The following PLB1 variants were observed in gnomAD, a reference collection of about 807,000 sequenced individuals.
PLB1 encodes phospholipase B1, also known as phospholipase B1, membrane-associated.
PLB1 carries 242 observed loss-of-function variants against 227.4 expected under a neutral mutation model. The observed-to-expected ratio is 1.06, with a 90% CI of 0.96 to 1.18. PLB1 has a LOEUF of 1.18. PLB1 is among the 50% of genes most tolerant of loss of function. The pLI, the probability that PLB1 is intolerant of heterozygous loss-of-function variation, is 0.00. For synonymous variants in PLB1, 757 were observed against 682.2 expected, an observed-to-expected ratio of 1.11 and a Z score of -1.71; for missense variants, 1,858 against 1,816.3, an observed-to-expected ratio of 1.02 and a Z score of -0.42.
intron 35 of PLB1, 116 bp from the exon 36 acceptor site, chr2:28,600,693 C>A: frequency 1.1e-6 from 1 of 910,182 alleles, no homozygotes; most frequent in South Asian, 1.5e-5. Flanking sequence ...GCCTCGGGAT[C>A]TCTGCCAGCT....
At chr2:28,579,404 G>T (rs1199689722) in intron 22 of PLB1, among the ~76,000 whole-genome samples, 1 of 152,186 alleles carries the variant, frequency 6.6e-6, no homozygotes. Context: ...GTGCTTTTGT[G>T]TGTGGACAGA....
chr2:28,625,514 T>C (rs1019581909), intron 50 of PLB1, among the ~76,000 whole-genome samples: 2 of 152,318 alleles, frequency 1.3e-5, no homozygotes, highest in Non-Finnish European at 2.9e-5. Flanking sequence ...CTAGCACTTT[T>C]TTTTTTAACC....
intron 49 of PLB1, 53 bp downstream of exon 49, chr2:28,621,031 G>A: frequency 6.7e-7 from 1 of 1,482,458 alleles, no homozygotes; most frequent in African/African-American, 1.4e-5. Context: ...GAGACATCAG[G>A]GTGGGAAACC....
rs141896923 is a variant in PLB1 at position 28,611,633 on chromosome 2, C to T, written c.3130-2398C>T. On this transcript the variant is annotated intron_variant, in intron 43 of 57. Coordinates refer to ENST00000327757, the MANE Select transcript of PLB1 (RefSeq NM_153021.5). ...CCTGGCACCTAGAAATGCTCTCTAA[C>T]GCTTGAGCTGCTCAACCAGCATGGG... Among the ~76,000 whole-genome samples, 1,118 of 152,308 alleles carry T rather than the reference C, an allele frequency of 7.3e-3. 16 individuals carry two copies. Among genetic ancestry groups the T allele is most frequent in the African/African-American group, 0.025 (1,026 of 41,548 alleles).
intron 49 of PLB1, among the ~76,000 whole-genome samples, chr2:28,622,464 A>G (rs1239628878): frequency 1.3e-5 from 2 of 152,268 alleles, no homozygotes; most frequent in Non-Finnish European, 2.9e-5. Flanking sequence ...AGTACAGTAC[A>G]AATGTACCAA....
In PLB1 at chr2:28,516,790, A is replaced by G. The variant is rs189261641; in HGVS notation, c.56-18A>G. 3 of 1,608,500 alleles carry G rather than the reference A, an allele frequency of 1.9e-6. No individual in the cohort carries two copies. The highest frequency in any genetic ancestry group is 2.2e-5 in the East Asian group (1 of 44,846). On this transcript the variant is annotated intron_variant, in intron 1 of 57. Transcript: ENST00000327757. ...TAATTCCAGCTAAATAACTTGAACT[A>G]TTTCTGCTTTCTTTCAGGGACCCCT...
In PLB1 at chr2:28,581,541, A is replaced by T. The variant is rs184857384; in HGVS notation, c.1567-527A>T. ...AATAAATAAATAAATAAATAAAATT[A>T]AAAAAAGAGGCATAGGCATTTCCCT... On this transcript the variant is annotated intron_variant, in intron 23 of 57. Transcript: ENST00000327757. 5.3e-3 allele frequency among the ~76,000 whole-genome samples: 714 copies of T among 134,542 alleles called. 11 individuals carry two copies. The highest frequency in any genetic ancestry group is 0.02 in the African/African-American group (654 of 33,094). The allele number at this position is 134,542 out of a possible 152,430, so 88.3% of individuals were successfully genotyped here. A position where few individuals can be genotyped will look rare whatever the true frequency, so the allele number is the denominator to read the frequency against.
At chr2:28,510,258 G>A (rs1309759527) in intron 1 of PLB1, among the ~76,000 whole-genome samples, 1 of 152,184 alleles carries the variant, frequency 6.6e-6, no homozygotes, top group East Asian at 1.9e-4. Context: ...CCTTATAGGT[G>A]AGGAAAGTAA....
chr2:28,637,520 T>C (rs947415934), intron 56 of PLB1, among the ~76,000 whole-genome samples: 2 of 152,030 alleles, frequency 1.3e-5, no homozygotes, highest in African/African-American at 4.8e-5. Flanking sequence ...CCTGACCCAG[T>C]CACTCCCCTG....
chr2:28,598,611 C>G, intron 34 of PLB1, 41 bp from the exon 35 acceptor site: 1 of 1,514,778 alleles, frequency 6.6e-7, no homozygotes, highest in Non-Finnish European at 9.2e-7. Context: ...TTCTGGCTTT[C>G]TGTTCTGAGC....
At chr2:28,600,705 A>T in intron 35 of PLB1, 104 bp from the exon 36 acceptor site, 1 of 1,039,998 alleles carries the variant, frequency 9.6e-7, no homozygotes, top group Non-Finnish European at 1.5e-6. Flanking sequence ...CTGCCAGCTC[A>T]TGCAGTGGGG....
intron 54 of PLB1, 78 bp from the exon 55 acceptor site, chr2:28,631,958 C>CAATCCAAGGCAG (rs916349686): frequency 1.6e-6 from 2 of 1,248,982 alleles, no homozygotes; most frequent in African/African-American, 1.5e-5. Context: ...CGTCAACAAC[C>CAATCCAAGGCAG]AATCCAAGGC....
At chr2:28,620,521 CGGTTCT>C in intron 47 of PLB1, 73 bp from the exon 48 acceptor site, 4 of 1,511,274 alleles carry the variant, frequency 2.6e-6, no homozygotes, top group Non-Finnish European at 3.6e-6. Context: ...AACCCGGTTC[CGGTTCT>C]GGCTTGTGCA....
At chr2:28,558,342 A>G (rs952325184) in intron 17 of PLB1, among the ~76,000 whole-genome samples, 1 of 151,790 alleles carries the variant, frequency 6.6e-6, no homozygotes, top group African/African-American at 2.4e-5. Context: ...CATACGAGCT[A>G]GTGTTCACAG....
chr2:28,579,750 G>A (rs1283742300), intron 23 of PLB1, 43 bp downstream of exon 23: 4 of 1,521,104 alleles, frequency 2.6e-6, no homozygotes, highest in Non-Finnish European at 9.1e-7. Context: ...CCCCAGAGAA[G>A]GATTTTCACA....
intron 1 of PLB1, among the ~76,000 whole-genome samples, chr2:28,510,551 T>A (rs939599419): frequency 2.0e-4 from 31 of 151,768 alleles, no homozygotes; most frequent in Non-Finnish European, 3.5e-4. Context: ...AAATAAAATA[T>A]CTATGTTTCA....
Position 28,582,480 on chromosome 2 carries a change from G to C in PLB1, c.1708G>C (p.Val570Leu), listed in dbSNP as rs377534411. Residue 570 changes from valine (V) to leucine (L), a missense_variant, in exon 25 of 58, where the codon GTC becomes CTC. Coordinates refer to ENST00000327757, the MANE Select transcript of PLB1 (RefSeq NM_153021.5). ...GAGGGAGCTGTACCAGGAGAAAAAA[G>C]TCTACTGCCCAAGGATGATCCTCAG... ...NLRELYQEKK[V>L]YCPRMILRSL... The C allele has an allele frequency of 3.7e-6, 6 of 1,610,738 alleles. No individual in the cohort carries two copies. The highest frequency in any genetic ancestry group is 5.1e-6 in the Non-Finnish European group (6 of 1,178,360).
At chr2:28,558,923 C>T in intron 17 of PLB1, among the ~76,000 whole-genome samples, 1 of 152,170 alleles carries the variant, frequency 6.6e-6, no homozygotes, top group Non-Finnish European at 1.5e-5. Flanking sequence ...AGGAGTCTCA[C>T]TATATTGCCC....
intron 6 of PLB1, among the ~76,000 whole-genome samples, chr2:28,527,207 C>A (rs1197950096): frequency 1.3e-5 from 2 of 152,166 alleles, no homozygotes; most frequent in South Asian, 2.1e-4. Context: ...TCCCAATTTG[C>A]CCTGTTACAA....
Sources: gnomAD v4.1 joint callset for allele counts (sites outside exome capture counted in the v4.1 genomes callset) on GRCh38, gnomAD v4.1.1 for gene constraint, MANE v1.5 for transcripts, NCBI Gene and HGNC (gene_info 2026-07-23, HGNC 2026-07-21) for gene names.